CANX: variants seen among roughly 807,000 people sequenced by gnomAD.
CANX encodes epididymis secretory sperm binding protein.
A neutral mutation model predicts 75.7 loss-of-function variants in CANX; 14 were observed. The ratio of observed to expected loss-of-function variants is 0.19; its 90% CI spans 0.12 to 0.29. The LOEUF (loss-of-function observed/expected upper bound fraction) is 0.29, where lower values mean the gene tolerates loss of function less well. CANX is among the 10% of genes least tolerant of loss of function. The probability of loss-of-function intolerance (pLI) is 1.00; values close to 1 mark genes in which losing one functional copy is unlikely to be tolerated. For missense variants in CANX, 567 were observed against 713.2 expected, an observed-to-expected ratio of 0.79 and a Z score of 2.34; for synonymous variants, 227 against 236.9, an observed-to-expected ratio of 0.96 and a Z score of 0.38.
intron 5 of CANX, among the ~76,000 whole-genome samples, chr5:179,708,707 G>C (rs1777323764): frequency 6.6e-6 from 1 of 151,932 alleles, no homozygotes; most frequent in Admixed American, 6.6e-5. Context: ...TATTTTGAAA[G>C]AAACTGGTTA....
rs980757668 is a variant in CANX, at chr5:179,729,714, A to C, written c.*1070A>C. 6.6e-6 allele frequency: 1 copy of C among 152,660 alleles called. No individual in the cohort carries two copies. The highest frequency in any genetic ancestry group is 2.4e-5 in the African/African-American group (1 of 41,454). 9.5% of individuals were successfully genotyped at this position (152,660 alleles called of 1,614,324 possible). On this transcript the variant is annotated 3_prime_UTR_variant, in exon 15 of 15. Transcript: ENST00000247461. ...CCAGGGTCAAAGTACAGAATAGAAT[A>C]CATTGATACAAAGTACAGAAAAATA...
At chr5:179,724,807 C>T (rs1179499939) in intron 13 of CANX, 24 bp downstream of exon 13, 9 of 1,588,862 alleles carry the variant, frequency 5.7e-6, no homozygotes, top group Non-Finnish European at 6.9e-6. Flanking sequence ...TCCAGAAAAT[C>T]TGCTTTAAGC....
In CANX at chr5:179,729,960, A is replaced by C. The variant is rs1057055544; in HGVS notation, c.*1316A>C. On this transcript the variant is annotated 3_prime_UTR_variant, in exon 15 of 15. Coordinates refer to ENST00000247461, the MANE Select transcript of CANX (RefSeq NM_001746.4). ...TGTGTCATAAATTACACAATAAAGC[A>C]GTCCTGTTCAAATTTTTTTTTAACG... 3.9e-5 allele frequency: 6 copies of C among 152,770 alleles called. No individual in the cohort carries two copies. Among genetic ancestry groups the C allele is most frequent in the Non-Finnish European group, 8.8e-5 (6 of 68,032 alleles). 9.5% of individuals were successfully genotyped at this position (152,770 alleles called of 1,614,324 possible). A position where few individuals can be genotyped will look rare whatever the true frequency, so the allele number is the denominator to read the frequency against.
chr5:179,720,683 G>A lies in CANX; in HGVS notation c.1182+123G>A, dbSNP rs1778251755. On this transcript the variant is annotated intron_variant, in intron 10 of 14. Coordinates refer to ENST00000247461, the MANE Select transcript of CANX (RefSeq NM_001746.4). Reference sequence around the variant, plus strand: ...CAAGCTGTTGAATTAAAAGCAGAAAGTAGACTTCCTAAGTTGAAAGAGAGC... The same window carrying A: ...CAAGCTGTTGAATTAAAAGCAGAAAATAGACTTCCTAAGTTGAAAGAGAGC... 3.6e-6 allele frequency: 3 copies of A among 822,148 alleles called. No individual in the cohort carries two copies. The East Asian group carries it at 7.4e-5, about 20-fold the overall frequency. The allele number at this position is 822,148 out of a possible 1,614,324, so 50.9% of individuals were successfully genotyped here.
At chr5:179,685,869 T>G (rs1348021111) in intron 1 of CANX, among the ~76,000 whole-genome samples, 1 of 151,884 alleles carries the variant, frequency 6.6e-6, no homozygotes, top group African/African-American at 2.4e-5. Context: ...GTTTGTATTT[T>G]TAGTAGAGAC....
upstream of CANX, chr5:179,694,785 T>A (rs1776360929): frequency 3.1e-6 from 1 of 323,964 alleles, no homozygotes; most frequent in Non-Finnish European, 5.7e-6. Flanking sequence ...TGTTTATCTG[T>A]CAAAAAAAAA....
intron 14 of CANX, among the ~76,000 whole-genome samples, chr5:179,727,331 T>C (rs1367402408): frequency 6.6e-6 from 1 of 152,126 alleles, no homozygotes; most frequent in Non-Finnish European, 1.5e-5. Context: ...AAACGATGAA[T>C]AATTAAAACA....
chr5:179,701,251 C>A (rs1776736447), intron 1 of CANX, among the ~76,000 whole-genome samples: 1 of 151,956 alleles, frequency 6.6e-6, no homozygotes, highest in African/African-American at 2.4e-5. Flanking sequence ...CTTTAGGGGG[C>A]AATTGGGAGG....
At chr5:179,681,814 G>A (rs927023126) in intron 1 of CANX, among the ~76,000 whole-genome samples, 2 of 152,102 alleles carry the variant, frequency 1.3e-5, no homozygotes, top group East Asian at 3.8e-4. Flanking sequence ...TGGGCGTGGT[G>A]GCATGCGACT....
intron 10 of CANX, among the ~76,000 whole-genome samples, chr5:179,721,805 TA>T (rs1778327697): frequency 6.6e-6 from 1 of 152,142 alleles, no homozygotes; most frequent in African/African-American, 2.4e-5. Flanking sequence ...ACTTTATTTA[TA>T]TACAAATACT....
At chr5:179,706,413 T>A (rs1777141859) in intron 3 of CANX, 82 bp downstream of exon 3, 1 of 666,614 alleles carries the variant, frequency 1.5e-6, no homozygotes, top group Non-Finnish European at 2.6e-6. Context: ...GGATAGCATC[T>A]TTTATAGTGA....
At position 179,678,690 on chromosome 5, in the gene CANX, C is replaced by T. The variant is rs765055756; in HGVS notation, c.-91C>T. On this transcript the variant is annotated 5_prime_UTR_variant, in exon 1 of 15. Transcript: ENST00000681674. ...GCGCGCGCCGCAGCCGTCGGGATCA[C>T]CTCGGGGTTGCGCTGCTTCTCCAGC... 4.8e-5 allele frequency: 73 copies of T among 1,536,698 alleles called. No individual in the cohort carries two copies. The highest frequency in any genetic ancestry group is 3.7e-5 in the Non-Finnish European group (42 of 1,146,686).
intron 7 of CANX, 104 bp from the exon 8 acceptor site, chr5:179,716,001 G>C (rs1484234066): frequency 1.2e-6 from 1 of 869,516 alleles, no homozygotes; most frequent in African/African-American, 1.7e-5. Context: ...AAAGCCTCAG[G>C]TCAGACTTCT....
intron 1 of CANX, among the ~76,000 whole-genome samples, chr5:179,683,303 AT>A (rs1200735850): frequency 9.4e-4 from 134 of 143,032 alleles, no homozygotes; most frequent in African/African-American, 7.1e-4. Context: ...AATTTTTTGT[AT>A]TTTTTTTTTT....
rs1778832951 is a variant in CANX at position 179,728,852 on chromosome 5, A to G, written c.*208A>G. 1 of 653,144 alleles carries G rather than the reference A, an allele frequency of 1.5e-6. No individual in the cohort carries two copies. Among genetic ancestry groups the G allele is most frequent in the Non-Finnish European group, 2.8e-6 (1 of 354,974 alleles). 40.5% of individuals were successfully genotyped at this position (653,144 alleles called of 1,614,324 possible). ...GTGATATAAAGGACCCTGTTTCTGT[A>G]GAAAAGAAAACATTTAACATAATGG... On this transcript the variant is annotated 3_prime_UTR_variant, in exon 15 of 15. Coordinates refer to ENST00000247461, the MANE Select transcript of CANX (RefSeq NM_001746.4).
chr5:179,721,017 C>T (rs1018702641), intron 10 of CANX, among the ~76,000 whole-genome samples: 1 of 151,750 alleles, frequency 6.6e-6, no homozygotes, highest in Non-Finnish European at 1.5e-5. Flanking sequence ...CTCCTGACCT[C>T]GCGATCCGCC....
At chr5:179,683,350 G>A (rs1050399387) in intron 1 of CANX, among the ~76,000 whole-genome samples, 4 of 151,690 alleles carry the variant, frequency 2.6e-5, no homozygotes, top group African/African-American at 9.7e-5. Flanking sequence ...GGCCAGGATG[G>A]TCTCGATCTC....
intron 1 of CANX, among the ~76,000 whole-genome samples, chr5:179,702,111 C>T (rs1050783154): frequency 6.6e-6 from 1 of 152,080 alleles, no homozygotes; most frequent in African/African-American, 2.4e-5. Flanking sequence ...TTATTGCTCA[C>T]TGCAGTCTCA....
chr5:179,726,928 A>G (rs1184605552), intron 14 of CANX, among the ~76,000 whole-genome samples, 169 bp downstream of exon 14: 1 of 152,226 alleles, frequency 6.6e-6, no homozygotes. Context: ...TTTGTTTGAT[A>G]ATTTTAAGCT....
Sources: gnomAD v4.1 joint callset for allele counts (sites outside exome capture counted in the v4.1 genomes callset) on GRCh38, gnomAD v4.1.1 for gene constraint, MANE v1.5 for transcripts, NCBI Gene and HGNC (gene_info 2026-07-23, HGNC 2026-07-21) for gene names.